Variants in UNC13C observed in about 807,000 individuals in gnomAD.
UNC13C encodes protein unc-13 homolog C.
UNC13C carries 174 observed loss-of-function variants against 245.4 expected under a neutral mutation model. The ratio of observed to expected loss-of-function variants is 0.71; its 90% CI spans 0.63 to 0.80. The LOEUF is 0.80. Among genes scored for constraint, UNC13C ranks in the 30% least tolerant of loss-of-function variants. The pLI is 0.00. For synonymous variants in UNC13C, 992 were observed against 895.1 expected (o/e 1.11, Z -1.93); for missense variants, 2,829 against 2,602.9 (o/e 1.09, Z -1.89).
chr15:54,387,605 G>T (rs2039866081), intron 17 of UNC13C, among the ~76,000 whole-genome samples: 2 of 152,090 alleles, frequency 1.3e-5, no homozygotes, highest in Admixed American at 1.3e-4. Flanking sequence ...AAACTAATGA[G>T]AGAGGGCCCA....
intron 31 of UNC13C, among the ~76,000 whole-genome samples, chr15:54,623,236 T>C (rs79005089): frequency 0.039 from 5,922 of 152,030 alleles, 215 homozygotes; most frequent in Admixed American, 0.12. Context: ...AGCTATAATA[T>C]CTAACAAGTG....
At chr15:54,474,179 G>C (rs999041288) in intron 19 of UNC13C, among the ~76,000 whole-genome samples, 4 of 151,754 alleles carry the variant, frequency 2.6e-5, no homozygotes, top group Non-Finnish European at 4.4e-5. Context: ...TTTGGGAGGG[G>C]TGGTAAATAC....
At chr15:54,563,563 G>T (rs1256538816) in intron 29 of UNC13C, among the ~76,000 whole-genome samples, 2 of 151,902 alleles carry the variant, frequency 1.3e-5, no homozygotes, top group Admixed American at 6.6e-5. Flanking sequence ...CCAAGTCTTG[G>T]TCTTTTGTTT....
chr15:54,023,137 T>C (rs1377414982), intron 2 of UNC13C, among the ~76,000 whole-genome samples: 1 of 152,206 alleles, frequency 6.6e-6, no homozygotes, highest in African/African-American at 2.4e-5. Context: ...CTTGTCACCA[T>C]AGCTTTGGGA....
chr15:53,858,961 A>G, the UNC13C span, among the ~76,000 whole-genome samples: 1 of 87,318 alleles, frequency 1.1e-5, no homozygotes, highest in African/African-American at 4.0e-5. Context: ...AATATTAAAA[A>G]TTATTGTGTT....
At chr15:54,280,759 TACATACATAC>T (rs2036969730) in intron 10 of UNC13C, among the ~76,000 whole-genome samples, 1 of 135,828 alleles carries the variant, frequency 7.4e-6, no homozygotes, top group African/African-American at 3.1e-5. Context: ...TATATACACA[TACATACATAC>T]ATATATATAT....
At chr15:53,855,849 C>G in the UNC13C span, among the ~76,000 whole-genome samples, 1 of 152,096 alleles carries the variant, frequency 6.6e-6, no homozygotes, top group African/African-American at 2.4e-5. Flanking sequence ...TCTTTTGGAA[C>G]AGTTTGAGTA....
chr15:54,402,571 T>C (rs1025208145), intron 18 of UNC13C, among the ~76,000 whole-genome samples: 1 of 152,096 alleles, frequency 6.6e-6, no homozygotes, highest in African/African-American at 2.4e-5. Flanking sequence ...ATAATCATTA[T>C]ATAGGGAACC....
chr15:54,258,129 T>C (rs1018493658), intron 8 of UNC13C, among the ~76,000 whole-genome samples: 10 of 152,128 alleles, frequency 6.6e-5, no homozygotes, highest in African/African-American at 2.4e-4. Flanking sequence ...TTTGGGTCCA[T>C]CAGTCTCAAA....
At chr15:54,100,742 A>G (rs1305681341) in intron 2 of UNC13C, among the ~76,000 whole-genome samples, 1 of 151,960 alleles carries the variant, frequency 6.6e-6, no homozygotes, top group Non-Finnish European at 1.5e-5. Context: ...TCCAATTAAC[A>G]TTATTTCAAA....
rs533272921 is a variant in UNC13C at position 54,350,396 on chromosome 15, A to T, written c.4713+11907A>T. On this transcript the variant is annotated intron_variant, in intron 17 of 32. Coordinates refer to ENST00000260323, the MANE Select transcript of UNC13C (RefSeq NM_001080534.3). ...CAGTATGTGGTCTTATGTAAGTCAA[A>T]AGGACATGAAATTGTAGAATGGTAA... is the stretch of plus-strand genomic sequence containing the variant. Among the ~76,000 whole-genome samples the T allele has an allele frequency of 7.8e-4, 119 of 152,324 alleles. 2 individuals carry two copies. In the South Asian group the frequency reaches 0.025, roughly 32 times the overall value.
intron 2 of UNC13C, among the ~76,000 whole-genome samples, chr15:54,140,406 C>G (rs2031960061): frequency 6.6e-6 from 1 of 151,748 alleles, no homozygotes. Context: ...GTAAAAAAAA[C>G]AGAGAGAGAG....
chr15:54,148,013 G>A (rs2032354772), intron 4 of UNC13C, among the ~76,000 whole-genome samples: 1 of 152,088 alleles, frequency 6.6e-6, no homozygotes, highest in Non-Finnish European at 1.5e-5. Context: ...AAATTCCTCT[G>A]TCCATGATTC....
chr15:53,971,667 T>C, the UNC13C span, among the ~76,000 whole-genome samples: 2 of 152,222 alleles, frequency 1.3e-5, no homozygotes, highest in Non-Finnish European at 2.9e-5. Context: ...TTAAAAAGTA[T>C]ACTTTCTTTT....
chr15:54,571,337 A>T (rs753801438), intron 30 of UNC13C, among the ~76,000 whole-genome samples: 24 of 152,162 alleles, frequency 1.6e-4, no homozygotes, highest in Non-Finnish European at 3.4e-4. Context: ...TGCCGTTTAT[A>T]AAACCATCAG....
intron 29 of UNC13C, among the ~76,000 whole-genome samples, chr15:54,564,462 T>C (rs1897422377): frequency 6.6e-6 from 1 of 152,066 alleles, no homozygotes; most frequent in Non-Finnish European, 1.5e-5. Flanking sequence ...AATAATGCCT[T>C]AGGATTAAAA....
At chr15:54,238,494 C>T (rs1041912310) in intron 7 of UNC13C, among the ~76,000 whole-genome samples, 9 of 152,278 alleles carry the variant, frequency 5.9e-5, no homozygotes, top group Non-Finnish European at 1.0e-4. Context: ...TATGTTACTT[C>T]TTCAAGCCTG....
At chr15:54,063,673 TA>T (rs1229579971) in intron 2 of UNC13C, among the ~76,000 whole-genome samples, 1 of 152,202 alleles carries the variant, frequency 6.6e-6, no homozygotes, top group Non-Finnish European at 1.5e-5. Context: ...TAGGGACCAG[TA>T]AATGCTACAA....
intron 10 of UNC13C, among the ~76,000 whole-genome samples, chr15:54,283,642 A>G (rs1301921404): frequency 1.3e-5 from 2 of 152,108 alleles, no homozygotes; most frequent in Non-Finnish European, 2.9e-5. Context: ...AGTTACAAGC[A>G]GTTACCTGTA....
Sources: allele counts gnomAD v4.1 joint callset (sites outside exome capture counted in the v4.1 genomes callset), GRCh38; gene constraint gnomAD v4.1.1; transcripts MANE v1.5; gene names NCBI Gene and HGNC (gene_info 2026-07-23, HGNC 2026-07-21).